The following MACROD1 variants were observed in gnomAD, a reference collection of about 807,000 sequenced individuals.
MACROD1 encodes mono-ADP ribosylhydrolase 1.
Under a neutral mutation model 41.4 loss-of-function variants are expected in MACROD1, and 31 were observed. That is an observed-to-expected ratio of 0.75 (90% confidence interval 0.56 to 1.01). The LOEUF (loss-of-function observed/expected upper bound fraction) is 1.01. Among genes scored for constraint, MACROD1 ranks in the 50% least tolerant of loss-of-function variants. MACROD1 has a pLI of 0.00. For missense variants in MACROD1, 473 were observed against 460.0 expected (o/e 1.03, Z -0.26); for synonymous variants, 252 against 203.4 (o/e 1.24, Z -2.03).
In MACROD1 at chr11:64,028,358, G is replaced by GC. The variant is rs547855936; in HGVS notation, c.518-13078dup. On this transcript the variant is annotated intron_variant, in intron 3 of 10. Transcript: ENST00000255681. ...CTGGTCCCTGCCTGCCTGCCTTAGG[G>GC]CCCCCCTGGCCTGGGCGCCTCCTCT... is the stretch of plus-strand genomic sequence containing the variant. Among the ~76,000 whole-genome samples, 36 of 152,336 alleles carry GC rather than the reference G, an allele frequency of 2.4e-4. No homozygotes were observed. The South Asian group carries it at 7.0e-3, about 30-fold the overall frequency.
intron 3 of MACROD1, among the ~76,000 whole-genome samples, chr11:64,079,056 G>A (rs1244709936): frequency 6.6e-6 from 1 of 151,148 alleles, no homozygotes; most frequent in East Asian, 2.0e-4. Context: ...CCGCTGTGCG[G>A]ACAGACCGGG....
intron 3 of MACROD1, among the ~76,000 whole-genome samples, chr11:64,039,627 G>T (rs1363665086): frequency 6.6e-6 from 1 of 152,244 alleles, no homozygotes; most frequent in African/African-American, 2.4e-5. Context: ...CGGACAGCCT[G>T]CCTGGAGTTC....
intron 3 of MACROD1, among the ~76,000 whole-genome samples, chr11:64,017,195 T>C (rs1943093460): frequency 6.6e-6 from 1 of 152,166 alleles, no homozygotes; most frequent in African/African-American, 2.4e-5. Context: ...GGTATCGTAC[T>C]CCTGACCTCA....
At chr11:64,037,507 G>A (rs1477000002) in intron 3 of MACROD1, among the ~76,000 whole-genome samples, 2 of 152,216 alleles carry the variant, frequency 1.3e-5, no homozygotes, top group African/African-American at 4.8e-5. Context: ...AAATGGAAAT[G>A]GCCTGAGCTG....
intron 1 of MACROD1, among the ~76,000 whole-genome samples, chr11:64,162,995 T>C (rs2701533): frequency 0.36 from 54,955 of 151,230 alleles, 10,772 homozygotes; most frequent in Admixed American, 0.5. Context: ...ATGGCACGCG[T>C]CTGTAATCCC....
chr11:64,123,026 C>A (rs1945123462), intron 3 of MACROD1, among the ~76,000 whole-genome samples: 1 of 152,182 alleles, frequency 6.6e-6, no homozygotes, highest in Non-Finnish European at 1.5e-5. Flanking sequence ...GGCTTCTGAG[C>A]CTTGCACTTA....
intron 2 of MACROD1, among the ~76,000 whole-genome samples, chr11:64,151,656 T>C (rs1945580542): frequency 6.6e-6 from 1 of 152,172 alleles, no homozygotes; most frequent in South Asian, 2.1e-4. Context: ...GAGACTTGCC[T>C]AGGGTTATGG....
intron 3 of MACROD1, among the ~76,000 whole-genome samples, chr11:64,087,476 C>T (rs1396534200): frequency 2.0e-5 from 3 of 152,214 alleles, no homozygotes; most frequent in Admixed American, 2.0e-4. Flanking sequence ...TGGGCAGGGT[C>T]CAGTTGGCCA....
intron 3 of MACROD1, among the ~76,000 whole-genome samples, chr11:64,068,863 C>T (rs935371464): frequency 6.6e-6 from 1 of 152,248 alleles, no homozygotes; most frequent in African/African-American, 2.4e-5. Flanking sequence ...GAGCCTCGGC[C>T]TTCCCCGGAG....
intron 3 of MACROD1, among the ~76,000 whole-genome samples, chr11:64,105,547 C>T (rs915354052): frequency 2.6e-5 from 4 of 152,174 alleles, no homozygotes; most frequent in African/African-American, 9.7e-5. Context: ...CTGGAGAGAG[C>T]ATTCTATGAC....
At chr11:64,107,342 C>A (rs1475939412) in intron 3 of MACROD1, among the ~76,000 whole-genome samples, 1 of 151,920 alleles carries the variant, frequency 6.6e-6, no homozygotes, top group African/African-American at 2.4e-5. Flanking sequence ...CTTTCATCCC[C>A]CCACCCCCTC....
chr11:64,135,625 A>G (rs1009447326), intron 3 of MACROD1, among the ~76,000 whole-genome samples: 1 of 152,234 alleles, frequency 6.6e-6, no homozygotes, highest in Non-Finnish European at 1.5e-5. Context: ...AGGAGGAAAA[A>G]TAAAGCCCCT....
intron 3 of MACROD1, among the ~76,000 whole-genome samples, chr11:64,017,532 C>A (rs1943097442): frequency 6.6e-6 from 1 of 152,158 alleles, no homozygotes; most frequent in Non-Finnish European, 1.5e-5. Context: ...GAGGGACTGC[C>A]TTTCCCTGGC....
chr11:64,147,129 A>G (rs987841004), intron 3 of MACROD1, among the ~76,000 whole-genome samples: 4 of 152,188 alleles, frequency 2.6e-5, no homozygotes, highest in Non-Finnish European at 5.9e-5. Flanking sequence ...GCAATGGCAC[A>G]GTCACAGCTC....
chr11:64,100,536 C>G (rs1944653379), intron 3 of MACROD1, among the ~76,000 whole-genome samples: 1 of 152,190 alleles, frequency 6.6e-6, no homozygotes, highest in African/African-American at 2.4e-5. Context: ...TCACTCGAGC[C>G]AGAAGGGTGG....
At chr11:64,149,153 A>C in intron 3 of MACROD1, 3 of 387,376 alleles carry the variant, frequency 7.7e-6, no homozygotes, top group South Asian at 1.1e-4. Context: ...CACCGCTGGG[A>C]CAGGGGTGAT....
At chr11:64,116,802 C>G in intron 3 of MACROD1, 3 of 1,613,524 alleles carry the variant, frequency 1.9e-6, no homozygotes, top group Non-Finnish European at 2.5e-6. Context: ...CAGCAAACAG[C>G]TCAAGCTGCT....
At chr11:64,021,199 C>T (rs1943147888) in intron 3 of MACROD1, among the ~76,000 whole-genome samples, 1 of 152,242 alleles carries the variant, frequency 6.6e-6, no homozygotes, top group Admixed American at 6.5e-5. Context: ...GGTCTGCCTG[C>T]CTGACTCCCA....
chr11:64,049,000 A>ACTTGGGTGCCGGCTGCCTCCTGCC (rs1943639018), intron 3 of MACROD1, among the ~76,000 whole-genome samples: 2 of 151,850 alleles, frequency 1.3e-5, no homozygotes, highest in African/African-American at 4.8e-5. Context: ...AGAGAGACAG[A>ACTTGGGTGCCGGCTGCCTCCTGCC]CTGGGGTGCC....
Sources: allele counts gnomAD v4.1 joint callset (sites outside exome capture counted in the v4.1 genomes callset), GRCh38; gene constraint gnomAD v4.1.1; transcripts MANE v1.5; gene names NCBI Gene and HGNC (gene_info 2026-07-23, HGNC 2026-07-21).